The following RUNX1 variants were observed in gnomAD, a reference collection of about 807,000 sequenced individuals.
The protein encoded by RUNX1 is RUNX family transcription factor 1.
RUNX1 carries 19 observed loss-of-function variants against 42.8 expected under a neutral mutation model. The observed-to-expected ratio is 0.44, with a 90% confidence interval of 0.31 to 0.65. The LOEUF is 0.65. Among genes scored for constraint, RUNX1 ranks in the 30% least tolerant of loss-of-function variants. The probability of loss-of-function intolerance (pLI) is 0.07; values close to 1 mark genes in which losing one functional copy is unlikely to be tolerated. For synonymous variants in RUNX1, 271 were observed against 289.4 expected (o/e 0.94, Z 0.64); for missense variants, 528 against 672.0 (o/e 0.79, Z 2.37).
chr21:34,940,112 G>A (rs1431542129), intron 2 of RUNX1, among the ~76,000 whole-genome samples: 2 of 152,074 alleles, frequency 1.3e-5, no homozygotes, highest in Non-Finnish European at 2.9e-5. Flanking sequence ...AGTAAATTCC[G>A]ATGGTTTTTT....
In RUNX1 at chr21:34,789,635, G is replaced by C. The variant is rs535985731; in HGVS notation, c.*2500C>G. 1 of 233,314 alleles carries C rather than the reference G, an allele frequency of 4.3e-6. No individual in the cohort carries two copies. Among genetic ancestry groups the C allele is most frequent in the African/African-American group, 2.2e-5 (1 of 45,280 alleles). 14.5% of individuals were successfully genotyped at this position (233,314 alleles called of 1,614,324 possible). On this transcript the variant is annotated 3_prime_UTR_variant, in exon 9 of 9. Coordinates refer to ENST00000675419, the MANE Select transcript of RUNX1 (RefSeq NM_001754.5). ...ACACACACATACAAAAATGTGTTGC[G>C]TGAGACCTATCGCCAAAACAACTAC...
intron 2 of RUNX1, among the ~76,000 whole-genome samples, chr21:34,912,453 C>A (rs2058279909): frequency 6.6e-6 from 1 of 152,010 alleles, no homozygotes; most frequent in Non-Finnish European, 1.5e-5. Flanking sequence ...ATAGTGGCAA[C>A]CACAACTGGC....
At chr21:34,882,969 G>A (rs1378209988) in intron 4 of RUNX1, among the ~76,000 whole-genome samples, 1 of 152,128 alleles carries the variant, frequency 6.6e-6, no homozygotes, top group Non-Finnish European at 1.5e-5. Context: ...GTTGGGTCTG[G>A]ATCTGTAAAA....
intron 2 of RUNX1, among the ~76,000 whole-genome samples, chr21:34,964,990 G>A (rs2058708196): frequency 6.7e-6 from 1 of 149,716 alleles, no homozygotes; most frequent in Admixed American, 6.7e-5. Flanking sequence ...CCACACACAA[G>A]CACACTCACA....
At position 34,912,345 on chromosome 21, in the gene RUNX1, T is replaced by C. The variant is rs141777900; in HGVS notation, c.59-19382A>G. ...AGGCTAGAAGCCTGGGAAATCTCCA[T>C]CACCCGTCCTCTCTGTTTTGCGATA... On this transcript the variant is annotated intron_variant, in intron 2 of 8. Coordinates refer to ENST00000675419, the MANE Select transcript of RUNX1 (RefSeq NM_001754.5). 4.5e-3 allele frequency among the ~76,000 whole-genome samples: 678 copies of C among 151,834 alleles called. 4 individuals carry two copies. The highest frequency in any genetic ancestry group is 0.016 in the African/African-American group (649 of 41,332).
intron 3 of RUNX1, chr21:34,887,317 T>C: frequency 6.9e-7 from 1 of 1,456,742 alleles, no homozygotes; most frequent in African/African-American, 1.4e-5. Flanking sequence ...ACGTTCTGGT[T>C]CTGCGGATCG....
intron 2 of RUNX1, among the ~76,000 whole-genome samples, chr21:34,897,540 T>TTG (rs1305077650): frequency 1.3e-5 from 2 of 152,196 alleles, no homozygotes; most frequent in Non-Finnish European, 2.9e-5. Context: ...CCACATCTCC[T>TTG]ATGTGACTTG....
At chr21:34,993,765 G>A (rs955502688) in intron 2 of RUNX1, among the ~76,000 whole-genome samples, 5 of 18,150 alleles carry the variant, frequency 2.8e-4, no homozygotes, top group African/African-American at 7.3e-4. Context: ...ACACACACAG[G>A]CGCACACACA....
intron 6 of RUNX1, among the ~76,000 whole-genome samples, chr21:34,846,618 CAT>C (rs1285460816): frequency 6.6e-6 from 1 of 152,024 alleles, no homozygotes; most frequent in African/African-American, 2.4e-5. Context: ...CAGGGCCAGA[CAT>C]AGACTCCACG....
At chr21:34,935,543 T>C (rs1461436842) in intron 2 of RUNX1, among the ~76,000 whole-genome samples, 2 of 152,158 alleles carry the variant, frequency 1.3e-5, no homozygotes, top group African/African-American at 4.8e-5. Flanking sequence ...TGAATGACAA[T>C]AATAGTTGAG....
At chr21:34,927,368 G>T (rs764967) in intron 2 of RUNX1, among the ~76,000 whole-genome samples, 116,240 of 152,124 alleles carry the variant, frequency 0.76, 46,160 homozygotes, top group South Asian at 0.93. Context: ...GCAAGCTGAT[G>T]TTCATTTGTG....
chr21:34,961,095 G>T (rs1040462162), intron 2 of RUNX1, among the ~76,000 whole-genome samples: 3 of 152,174 alleles, frequency 2.0e-5, no homozygotes, highest in African/African-American at 4.8e-5. Context: ...GACATTCATG[G>T]CTGGGCGTGG....
In RUNX1 at chr21:34,828,505, G is replaced by A. The variant is rs533458349; in HGVS notation, c.805+5905C>T. On this transcript the variant is annotated intron_variant, in intron 7 of 8. Coordinates refer to ENST00000675419, the MANE Select transcript of RUNX1 (RefSeq NM_001754.5). Reference sequence around the variant, plus strand: ...TGCTGGAAAGAGTTAAGACTTTGGGGACCACTGGGATGGAATAAATGTATT... The same window carrying A: ...TGCTGGAAAGAGTTAAGACTTTGGGAACCACTGGGATGGAATAAATGTATT... Among the ~76,000 whole-genome samples, 11 of 152,338 alleles carry A rather than the reference G, an allele frequency of 7.2e-5. No homozygotes were observed. In the South Asian group the frequency reaches 2.3e-3, roughly 32 times the overall value.
chr21:34,803,735 C>T (rs1419128130), intron 7 of RUNX1, among the ~76,000 whole-genome samples: 1 of 152,074 alleles, frequency 6.6e-6, no homozygotes, highest in Non-Finnish European at 1.5e-5. Context: ...ACTCCTTGAT[C>T]CCCATTCCCT....
intron 7 of RUNX1, among the ~76,000 whole-genome samples, chr21:34,809,348 G>T (rs917053841): frequency 6.6e-6 from 1 of 152,044 alleles, no homozygotes; most frequent in Non-Finnish European, 1.5e-5. Flanking sequence ...TTGTGTTGAG[G>T]GCTGGGATAT....
chr21:34,978,794 G>A (rs558506496), intron 2 of RUNX1, among the ~76,000 whole-genome samples: 1 of 152,216 alleles, frequency 6.6e-6, no homozygotes, highest in East Asian at 1.9e-4. Flanking sequence ...CTGTTGTATT[G>A]TTTAAACCTC....
At chr21:34,817,497 GAGA>G (rs2056843365) in intron 7 of RUNX1, among the ~76,000 whole-genome samples, 1 of 152,166 alleles carries the variant, frequency 6.6e-6, no homozygotes, top group Non-Finnish European at 1.5e-5. Context: ...GTGTATGGAT[GAGA>G]AGGATAGGGC....
chr21:34,938,478 A>AT (rs2058502716), intron 2 of RUNX1, among the ~76,000 whole-genome samples: 1 of 151,736 alleles, frequency 6.6e-6, no homozygotes, highest in South Asian at 2.1e-4. Flanking sequence ...TAGTTCTCTC[A>AT]TTTTCTTTCT....
chr21:34,948,492 T>C (rs2058582145), intron 2 of RUNX1, among the ~76,000 whole-genome samples: 1 of 152,154 alleles, frequency 6.6e-6, no homozygotes, highest in African/African-American at 2.4e-5. Flanking sequence ...TTTGCTTAAA[T>C]TACTCAAGGT....
Sources: gnomAD v4.1 joint callset for allele counts (sites outside exome capture counted in the v4.1 genomes callset) on GRCh38, gnomAD v4.1.1 for gene constraint, MANE v1.5 for transcripts, NCBI Gene and HGNC (gene_info 2026-07-23, HGNC 2026-07-21) for gene names.